Variants in PYGO1 observed in about 807,000 individuals in gnomAD.
PYGO1 encodes the protein pygopus family PHD finger 1, also known as pygopus homolog 1.
Under a neutral mutation model 29.5 loss-of-function variants are expected in PYGO1, and 6 were observed. The observed-to-expected ratio is 0.20, with a 90% confidence interval of 0.11 to 0.40. The LOEUF (loss-of-function observed/expected upper bound fraction) is 0.40, where lower values mean the gene tolerates loss of function less well. Ranked by LOEUF, PYGO1 falls within the 10% of genes least tolerant of loss-of-function variation. PYGO1 has a pLI of 1.00. For synonymous variants in PYGO1, 186 were observed against 180.5 expected (o/e 1.03, Z -0.24); for missense variants, 515 against 514.9 (o/e 1.00, Z 0.00).
intron 1 of PYGO1, among the ~76,000 whole-genome samples, chr15:55,562,932 G>C (rs1025056198): frequency 6.6e-6 from 1 of 151,932 alleles, no homozygotes; most frequent in Admixed American, 6.6e-5. Context: ...TTACAAGTGG[G>C]AGCTGAACAA....
intron 1 of PYGO1, among the ~76,000 whole-genome samples, chr15:55,554,545 C>T (rs62020044): frequency 0.054 from 8,129 of 150,236 alleles, 278 homozygotes; most frequent in Non-Finnish European, 0.068. Context: ...CAGAGGTAGG[C>T]GCCAGAAGGT....
chr15:55,584,391 G>A lies in PYGO1; in HGVS notation c.49+3444C>T, dbSNP rs190090281. On this transcript the variant is annotated intron_variant, in intron 1 of 2. Coordinates refer to ENST00000563719, the MANE Select transcript of PYGO1 (RefSeq NM_001367806.1). ...CTTCCAAGGTGCTGGGATTACAAGC[G>A]TGAGCCACTGCGCCCAGCCAGGTGT... is the stretch of plus-strand genomic sequence containing the variant. Among the ~76,000 whole-genome samples the A allele has an allele frequency of 2.8e-3, 428 of 152,168 alleles. 2 individuals carry two copies. Among genetic ancestry groups the A allele is most frequent in the African/African-American group, 9.8e-3 (407 of 41,506 alleles).
chr15:55,561,069 C>T (rs2058930784), intron 1 of PYGO1, among the ~76,000 whole-genome samples: 1 of 152,170 alleles, frequency 6.6e-6, no homozygotes, highest in Admixed American at 6.6e-5. Flanking sequence ...AGGCATCACA[C>T]TACCTAGCTT....
chr15:55,588,672 G>A (rs1232589053), upstream of PYGO1: 15 of 937,200 alleles, frequency 1.6e-5, no homozygotes, highest in Admixed American at 3.1e-4. Context: ...CGCCAGGCCC[G>A]AGAACGCCCG....
chr15:55,547,635 G>A (rs1567050131), intron 2 of PYGO1, among the ~76,000 whole-genome samples: 1 of 152,026 alleles, frequency 6.6e-6, no homozygotes, highest in Non-Finnish European at 1.5e-5. Flanking sequence ...AAAACATTAA[G>A]TTCTGGGCCT....
intron 1 of PYGO1, among the ~76,000 whole-genome samples, chr15:55,549,731 C>T (rs532328013): frequency 2.0e-5 from 3 of 152,230 alleles, no homozygotes; most frequent in African/African-American, 7.2e-5. Flanking sequence ...TCAAGGAAAG[C>T]AAAAGCTTGA....
At position 55,547,106 on chromosome 15, in the gene PYGO1, C is replaced by T. The variant is rs190752869; in HGVS notation, c.177G>A (p.Pro59=). ...FPPLSEYAPP[P]NPNSDHLVAA... ...CCACTAGATGGTCAGAGTTTGGATT[C>T]GGTGGTGGAGCATACTCAGACAATG... is the stretch of plus-strand genomic sequence containing the variant. The change falls in exon 3 of 3, where the codon CCG becomes CCA. Residue 59 remains proline, a synonymous_variant. Transcript: ENST00000563719. The T allele has an allele frequency of 4.3e-5, 70 of 1,610,100 alleles. No individual in the cohort carries two copies. The East Asian group carries it at 6.9e-4, about 16-fold the overall frequency.
Position 55,588,156 on chromosome 15 carries a change from CG to C in PYGO1, c.-274del. 1 of 596,002 alleles carries C rather than the reference CG, an allele frequency of 1.7e-6. No individual in the cohort carries two copies. Among genetic ancestry groups the C allele is most frequent in the Non-Finnish European group, 2.1e-6 (1 of 476,274 alleles). The allele number at this position is 596,002 out of a possible 1,614,324, so 36.9% of individuals were successfully genotyped here. On this transcript the variant is annotated 5_prime_UTR_variant, in exon 1 of 3. It removes the in-frame stop codon of an upstream open reading frame in the 5' UTR. Transcript: ENST00000563719. ...CGCGGCCTGGGGGCGGCCCCCCACC[CG>C]GGGCCGGCATGTGCTGAGGGCGAGT... is the stretch of plus-strand genomic sequence containing the variant.
At chr15:55,576,487 G>A (rs914617042) in intron 1 of PYGO1, among the ~76,000 whole-genome samples, 2 of 139,914 alleles carry the variant, frequency 1.4e-5, no homozygotes, top group South Asian at 2.3e-4. Context: ...AAAAAAGAGA[G>A]AGGCCGGGCA....
chr15:55,570,551 CT>C (rs2058976161), intron 1 of PYGO1, among the ~76,000 whole-genome samples: 2 of 151,034 alleles, frequency 1.3e-5, no homozygotes, highest in South Asian at 4.2e-4. Flanking sequence ...CATATTTAAA[CT>C]GTAAATACTT....
intron 1 of PYGO1, among the ~76,000 whole-genome samples, chr15:55,571,171 T>C (rs1224672715): frequency 2.6e-5 from 4 of 152,226 alleles, no homozygotes; most frequent in Non-Finnish European, 5.9e-5. Context: ...CAAGGTTCTA[T>C]AGCATGTGTC....
rs2058821941 is a variant in PYGO1 at position 55,539,876 on chromosome 15, T to C, written c.*6147A>G. 1 of 152,070 alleles carries C rather than the reference T, an allele frequency of 6.6e-6. No homozygotes were observed. The highest frequency in any genetic ancestry group is 2.4e-5 in the African/African-American group (1 of 41,450). 9.4% of individuals were successfully genotyped at this position (152,070 alleles called of 1,614,324 possible). ...TTTGTAATATACATCACTGACATAG[T>C]AAAACCTTATTAAGGATAATTTAAA... On this transcript the variant is annotated 3_prime_UTR_variant, in exon 3 of 3. Transcript: ENST00000563719.
At chr15:55,562,053 A>C (rs747436172) in intron 1 of PYGO1, among the ~76,000 whole-genome samples, 1 of 152,214 alleles carries the variant, frequency 6.6e-6, no homozygotes, top group Non-Finnish European at 1.5e-5. Flanking sequence ...ACACTTCTCA[A>C]AAAAAGACAT....
In PYGO1 at chr15:55,541,452, T is replaced by C. The variant is rs1193015161; in HGVS notation, c.*4571A>G. 1.3e-5 allele frequency: 2 copies of C among 152,196 alleles called. No individual in the cohort carries two copies. Among genetic ancestry groups the C allele is most frequent in the Non-Finnish European group, 2.9e-5 (2 of 68,024 alleles). 9.4% of individuals were successfully genotyped at this position (152,196 alleles called of 1,614,324 possible). A position where few individuals can be genotyped will look rare whatever the true frequency, so the allele number is the denominator to read the frequency against. On this transcript the variant is annotated 3_prime_UTR_variant, in exon 3 of 3. Transcript: ENST00000563719. The stretch of plus-strand genomic sequence containing the variant: ...AGTACCCTCAGACAGTACCAGCTAA[T>C]TCACTAAATGTACTGCTTCCCATGG...
Position 55,546,659 on chromosome 15 carries a change from A to G in PYGO1, c.624T>C (p.Asn208=), listed in dbSNP as rs774894644. The G allele has an allele frequency of 1.5e-5, 25 of 1,614,050 alleles. No individual in the cohort carries two copies. The highest frequency in any genetic ancestry group is 7.7e-5 in the South Asian group (7 of 91,070). Residue 208 remains asparagine, a synonymous_variant, in exon 3 of 3, where the codon AAT becomes AAC. Coordinates refer to ENST00000563719, the MANE Select transcript of PYGO1 (RefSeq NM_001367806.1). ...CTAACGGAGAAGTAAAATTTGAATT[A>G]TTTCCAGGAACAAAATTAGATGCCA... ...PDLASNFVPG[N]NSNFTSPLES...
At chr15:55,579,524 TA>T (rs2059017380) in intron 1 of PYGO1, among the ~76,000 whole-genome samples, 2 of 152,190 alleles carry the variant, frequency 1.3e-5, no homozygotes, top group East Asian at 3.8e-4. Context: ...AATTCTTTTT[TA>T]TTTTATAAGC....
At chr15:55,553,675 T>A (rs1408457446) in intron 1 of PYGO1, among the ~76,000 whole-genome samples, 4 of 152,136 alleles carry the variant, frequency 2.6e-5, no homozygotes, top group African/African-American at 9.7e-5. Context: ...CCTCCCAAAG[T>A]GCTGGGATTA....
At chr15:55,550,556 T>C (rs554919053) in intron 1 of PYGO1, among the ~76,000 whole-genome samples, 1 of 152,314 alleles carries the variant, frequency 6.6e-6, no homozygotes, top group South Asian at 2.1e-4. Flanking sequence ...CCAAGCTCTA[T>C]GGCATCTCTC....
upstream of PYGO1, chr15:55,588,952 A>G: frequency 1.8e-6 from 2 of 1,103,724 alleles, no homozygotes; most frequent in African/African-American, 1.5e-5. Context: ...TTGACTCTTC[A>G]AGAAAGAGCG....
Sources: gnomAD v4.1 joint callset for allele counts (sites outside exome capture counted in the v4.1 genomes callset) on GRCh38, gnomAD v4.1.1 for gene constraint, MANE v1.5 for transcripts, NCBI Gene and HGNC (gene_info 2026-07-23, HGNC 2026-07-21) for gene names.